SLC35B4: variants seen among roughly 807,000 people sequenced by gnomAD.
SLC35B4 encodes the protein nucleotide sugar transporter SLC35B4.
A neutral mutation model predicts 39.5 loss-of-function variants in SLC35B4; 28 were observed. That is an observed-to-expected ratio of 0.71 (90% CI 0.53 to 0.97). The LOEUF (loss-of-function observed/expected upper bound fraction) is 0.97. Among genes scored for constraint, SLC35B4 ranks in the 50% least tolerant of loss-of-function variants. The pLI is 0.00. For missense variants in SLC35B4, 334 were observed against 414.3 expected (o/e 0.81, Z 1.68); for synonymous variants, 145 against 150.4 (o/e 0.96, Z 0.26).
Position 134,290,530 on chromosome 7 carries a change from G to C in SLC35B4, c.*4303C>G, listed in dbSNP as rs1803310228. 6.6e-6 allele frequency: 1 copy of C among 152,202 alleles called. No individual in the cohort carries two copies. Among genetic ancestry groups the C allele is most frequent in the Admixed American group, 6.5e-5 (1 of 15,286 alleles). 9.4% of individuals were successfully genotyped at this position (152,202 alleles called of 1,614,324 possible). A position where few individuals can be genotyped will look rare whatever the true frequency, so the allele number is the denominator to read the frequency against. On this transcript the variant is annotated 3_prime_UTR_variant, in exon 10 of 10. Coordinates refer to ENST00000378509, the MANE Select transcript of SLC35B4 (RefSeq NM_032826.5). ...TCCCTGGAATGTCTACTAGGAAGAA[G>C]CTGCTAGAAAAAGACAACATGCTAC...
upstream of SLC35B4, among the ~76,000 whole-genome samples, chr7:134,319,966 T>C (rs1804067539): frequency 6.6e-6 from 1 of 152,154 alleles, no homozygotes; most frequent in Non-Finnish European, 1.5e-5. Context: ...CTTCAGCCTC[T>C]GTGTTCTTTA....
intron 2 of SLC35B4, 48 bp downstream of exon 2, chr7:134,309,318 A>G: frequency 8.6e-7 from 1 of 1,165,418 alleles, no homozygotes; most frequent in Non-Finnish European, 1.2e-6. Context: ...CCACCTCTTT[A>G]CTTTCTTAAA....
chr7:134,312,718 T>C lies in SLC35B4; in HGVS notation c.78-3239A>G, dbSNP rs146727918. Among the ~76,000 whole-genome samples, 30 of 152,310 alleles carry C rather than the reference T, an allele frequency of 2.0e-4. No individual in the cohort carries two copies. The East Asian group carries it at 5.8e-3, about 29-fold the overall frequency. Reference sequence around the variant, plus strand: ...AAAAAGGGCATCTTAATACTTTTTATTTTATGGAGGTGGGTATTGATATGC... The same window carrying C: ...AAAAAGGGCATCTTAATACTTTTTACTTTATGGAGGTGGGTATTGATATGC... On this transcript the variant is annotated intron_variant, in intron 1 of 9. Coordinates refer to ENST00000378509, the MANE Select transcript of SLC35B4 (RefSeq NM_032826.5).
Position 134,305,827 on chromosome 7 carries a change from C to G in SLC35B4, c.294+845G>C, listed in dbSNP as rs562853213. Among the ~76,000 whole-genome samples, 19 of 152,178 alleles carry G rather than the reference C, an allele frequency of 1.2e-4. No individual in the cohort carries two copies. The East Asian group carries it at 3.1e-3, about 25-fold the overall frequency. On this transcript the variant is annotated intron_variant, in intron 3 of 9. Transcript: ENST00000378509. ...CTGGGATTACAGGCGTGTGCCACCA[C>G]GCCCAGCTAATTTTGTATTTTTAGT...
At chr7:134,305,560 G>A (rs1057260100) in intron 3 of SLC35B4, among the ~76,000 whole-genome samples, 3 of 152,142 alleles carry the variant, frequency 2.0e-5, no homozygotes, top group Non-Finnish European at 4.4e-5. Context: ...TGAAGCCAGG[G>A]CTAGCACGAA....
intron 2 of SLC35B4, among the ~76,000 whole-genome samples, chr7:134,307,948 C>G (rs1803747697): frequency 6.6e-6 from 1 of 152,182 alleles, no homozygotes; most frequent in South Asian, 2.1e-4. Context: ...TTTCTTAGTT[C>G]TACCTTGAAG....
In SLC35B4 at chr7:134,302,121, G is replaced by GA. The variant is rs746023528; in HGVS notation, c.345-12dup. The GA allele has an allele frequency of 1.6e-5, 25 of 1,592,778 alleles. No homozygotes were observed. Among genetic ancestry groups the GA allele is most frequent in the Admixed American group, 7.2e-5 (4 of 55,338 alleles). On this transcript the variant is annotated splice_polypyrimidine_tract_variant and intron_variant, in intron 4 of 9. Transcript: ENST00000378509. ...TTGAATATACTGTATCTGCAAAAAA[G>GA]AAAAAAAAGAAGAAAAACACCTTAG...
In SLC35B4 at chr7:134,301,750, A is replaced by G; in HGVS notation, c.487+11T>C. On this transcript the variant is annotated intron_variant, in intron 6 of 9. Coordinates refer to ENST00000378509, the MANE Select transcript of SLC35B4 (RefSeq NM_032826.5). ...AGAGGCAATTAGCTTTATTATAATT[A>G]TTGTACTTGCCTAGTAACCACCACA... is the stretch of plus-strand genomic sequence containing the variant. 1 of 1,612,250 alleles carries G rather than the reference A, an allele frequency of 6.2e-7. No individual in the cohort carries two copies. Among genetic ancestry groups the G allele is most frequent in the Non-Finnish European group, 8.5e-7 (1 of 1,178,370 alleles).
intron 1 of SLC35B4, 22 bp from the exon 2 acceptor site, chr7:134,309,501 A>C: frequency 1.9e-6 from 3 of 1,542,204 alleles, no homozygotes; most frequent in Non-Finnish European, 2.7e-6. Flanking sequence ...ATAATAAAAG[A>C]GGGGGTGAAG....
chr7:134,294,677 T>G lies in SLC35B4; in HGVS notation c.*156A>C. 1.2e-6 allele frequency: 1 copy of G among 867,086 alleles called. No individual in the cohort carries two copies. Among genetic ancestry groups the G allele is most frequent in the South Asian group, 1.8e-5 (1 of 56,008 alleles). 53.7% of individuals were successfully genotyped at this position (867,086 alleles called of 1,614,324 possible). A position where few individuals can be genotyped will look rare whatever the true frequency, so the allele number is the denominator to read the frequency against. Reference sequence around the variant, plus strand: ...TTTCTATTTAGTCTACATGTGTCAGTCTGAGCAACGTGAGAAGTCCCCTCC... The same window carrying G: ...TTTCTATTTAGTCTACATGTGTCAGGCTGAGCAACGTGAGAAGTCCCCTCC... On this transcript the variant is annotated 3_prime_UTR_variant, in exon 10 of 10. Coordinates refer to ENST00000378509, the MANE Select transcript of SLC35B4 (RefSeq NM_032826.5).
chr7:134,293,196 C>G lies in SLC35B4; in HGVS notation c.*1637G>C, dbSNP rs926367867. On this transcript the variant is annotated 3_prime_UTR_variant, in exon 10 of 10. Coordinates refer to ENST00000378509, the MANE Select transcript of SLC35B4 (RefSeq NM_032826.5). ...GTCTATAGGCAAACAGAGAAGTGGC[C>G]GGTGAGTTCAGCTGCTTACAGAGGA... The G allele has an allele frequency of 2.0e-5, 3 of 151,610 alleles. No homozygotes were observed. Among genetic ancestry groups the G allele is most frequent in the Non-Finnish European group, 2.9e-5 (2 of 68,118 alleles). 9.4% of individuals were successfully genotyped at this position (151,610 alleles called of 1,614,324 possible).
chr7:134,298,652 C>G (rs1033727620), intron 8 of SLC35B4, among the ~76,000 whole-genome samples: 2 of 152,142 alleles, frequency 1.3e-5, no homozygotes, highest in Non-Finnish European at 2.9e-5. Context: ...TAATTCAGAG[C>G]CTTACAAACT....
chr7:134,290,101 T>C lies in SLC35B4; in HGVS notation c.*4732A>G, dbSNP rs561803844. The C allele has an allele frequency of 3.3e-5, 5 of 152,302 alleles. No individual in the cohort carries two copies. The highest frequency in any genetic ancestry group is 9.6e-5 in the African/African-American group (4 of 41,560). 9.4% of individuals were successfully genotyped at this position (152,302 alleles called of 1,614,324 possible). On this transcript the variant is annotated 3_prime_UTR_variant, in exon 10 of 10. Coordinates refer to ENST00000378509, the MANE Select transcript of SLC35B4 (RefSeq NM_032826.5). ...CCCAAGCAGCCTACTTCAAAAACTT[T>C]TAAGAATCTTTAATGTTCTATTAGG...
At chr7:134,295,684 T>C (rs554703791) in intron 9 of SLC35B4, among the ~76,000 whole-genome samples, 18 of 152,178 alleles carry the variant, frequency 1.2e-4, no homozygotes, top group African/African-American at 4.1e-4. Context: ...CTCCTGGGCT[T>C]GAGCGATCCT....
chr7:134,299,183 A>ACGGCTGCCCAACTT (rs1803526670), intron 8 of SLC35B4: 1 of 191,240 alleles, frequency 5.2e-6, no homozygotes, highest in Non-Finnish European at 1.1e-5. Context: ...AGAGAGCTGG[A>ACGGCTGCCCAACTT]CGGCTGCCCA....
Position 134,289,453 on chromosome 7 carries a change from A to G in SLC35B4, c.*5380T>C, listed in dbSNP as rs1324652176. The G allele has an allele frequency of 3.9e-5, 6 of 152,606 alleles. No individual in the cohort carries two copies. The highest frequency in any genetic ancestry group is 2.9e-5 in the Non-Finnish European group (2 of 68,034). The allele number at this position is 152,606 out of a possible 1,614,324, so 9.5% of individuals were successfully genotyped here. A position where few individuals can be genotyped will look rare whatever the true frequency, so the allele number is the denominator to read the frequency against. On this transcript the variant is annotated 3_prime_UTR_variant, in exon 10 of 10. Transcript: ENST00000378509. ...TACACAGCTCAAAATCTGAATACCC[A>G]CTAATGTCTTGTAGCTGTTCTACGT...
intron 1 of SLC35B4, among the ~76,000 whole-genome samples, chr7:134,315,097 T>G (rs1563220489): frequency 6.6e-6 from 1 of 152,112 alleles, no homozygotes; most frequent in Non-Finnish European, 1.5e-5. Flanking sequence ...AAAATAAACT[T>G]CTAGTAGGCA....
chr7:134,319,937 C>T (rs1486611307), upstream of SLC35B4, among the ~76,000 whole-genome samples: 1 of 152,156 alleles, frequency 6.6e-6, no homozygotes, highest in Non-Finnish European at 1.5e-5. Flanking sequence ...CCCGTAAAGG[C>T]CTCCTAACAT....
intron 3 of SLC35B4, 110 bp downstream of exon 3, chr7:134,306,562 C>T: frequency 1.3e-6 from 1 of 764,880 alleles, no homozygotes; most frequent in Non-Finnish European, 2.0e-6. Context: ...ACCTATTCTT[C>T]TACCCAAGAC....
Sources: gnomAD v4.1 joint callset for allele counts (sites outside exome capture counted in the v4.1 genomes callset) on GRCh38, gnomAD v4.1.1 for gene constraint, MANE v1.5 for transcripts, NCBI Gene and HGNC (gene_info 2026-07-23, HGNC 2026-07-21) for gene names.